The following MRAP2 variants were observed in gnomAD, a reference collection of about 807,000 sequenced individuals.
MRAP2 encodes the protein melanocortin-2 receptor accessory protein 2.
A neutral mutation model predicts 17.4 loss-of-function variants in MRAP2; 20 were observed. That is an observed-to-expected ratio of 1.15 (90% CI 0.81 to 1.67). MRAP2 has a LOEUF of 1.67. Ranked by LOEUF, MRAP2 falls within the 40% of genes most tolerant of loss-of-function variation. MRAP2 has a pLI of 0.00. For missense variants in MRAP2, 238 were observed against 240.0 expected, an observed-to-expected ratio of 0.99 and a Z score of 0.05; for synonymous variants, 96 against 88.4, an observed-to-expected ratio of 1.09 and a Z score of -0.48.
intron 3 of MRAP2, 137 bp from the exon 4 acceptor site, chr6:84,088,954 T>A: frequency 1.1e-6 from 1 of 889,966 alleles, no homozygotes; most frequent in Non-Finnish European, 1.7e-6. Flanking sequence ...CATGTTTGTC[T>A]GCATGCCATG....
intron 1 of MRAP2, among the ~76,000 whole-genome samples, chr6:84,046,948 G>A (rs778056859): frequency 6.6e-6 from 1 of 151,872 alleles, no homozygotes; most frequent in South Asian, 2.1e-4. Flanking sequence ...CTTAGAGGGA[G>A]TGTTCCTTTT....
the MRAP2 span, among the ~76,000 whole-genome samples, chr6:84,135,237 G>A: frequency 2.6e-5 from 4 of 152,086 alleles, no homozygotes; most frequent in African/African-American, 7.2e-5. Flanking sequence ...GACAGAAATA[G>A]CATCAATAAA....
chr6:84,135,513 A>G, the MRAP2 span, among the ~76,000 whole-genome samples: 2 of 152,312 alleles, frequency 1.3e-5, no homozygotes, highest in East Asian at 3.9e-4. Context: ...GTAATCTTAG[A>G]AACTACACAT....
At chr6:84,140,450 A>C in the MRAP2 span, among the ~76,000 whole-genome samples, 6 of 152,180 alleles carry the variant, frequency 3.9e-5, no homozygotes, top group African/African-American at 1.4e-4. Flanking sequence ...TTGGATATCG[A>C]GGGAGATTTG....
chr6:84,132,576 A>C, the MRAP2 span, among the ~76,000 whole-genome samples: 3 of 151,892 alleles, frequency 2.0e-5, no homozygotes, highest in East Asian at 5.8e-4. Flanking sequence ...TTCTCTTCTC[A>C]CTTCATTTCA....
At chr6:84,036,066 C>T (rs2129155436) in intron 1 of MRAP2, among the ~76,000 whole-genome samples, 1 of 150,362 alleles carries the variant, frequency 6.7e-6, no homozygotes, top group Admixed American at 6.6e-5. Flanking sequence ...ATTATTATAC[C>T]AAGCTATGAT....
chr6:84,124,900 A>T, the MRAP2 span: 1 of 629,956 alleles, frequency 1.6e-6, no homozygotes, highest in Non-Finnish European at 2.8e-6. Context: ...ACACCATTAT[A>T]TGTTTTTTTT....
At chr6:84,102,740 G>C in the MRAP2 span, among the ~76,000 whole-genome samples, 2 of 151,950 alleles carry the variant, frequency 1.3e-5, no homozygotes, top group African/African-American at 4.8e-5. Context: ...AGTGTGGATA[G>C]GAAGGCTGGG....
chr6:84,034,172 C>T (rs1407030193), intron 1 of MRAP2, among the ~76,000 whole-genome samples: 3 of 152,098 alleles, frequency 2.0e-5, no homozygotes, highest in South Asian at 4.1e-4. Flanking sequence ...GCGCTCGGGG[C>T]TTGGGTGGGC....
intron 3 of MRAP2, among the ~76,000 whole-genome samples, chr6:84,072,918 C>T (rs1328645258): frequency 6.6e-6 from 1 of 152,150 alleles, no homozygotes; most frequent in Non-Finnish European, 1.5e-5. Context: ...GGTCTCATTC[C>T]CACCATGTCC....
At chr6:84,058,587 C>T (rs2099492278) in intron 2 of MRAP2, among the ~76,000 whole-genome samples, 1 of 152,038 alleles carries the variant, frequency 6.6e-6, no homozygotes, top group Admixed American at 6.6e-5. Context: ...ACTTGAGAGT[C>T]ATCAGCATGT....
chr6:84,133,502 G>A, the MRAP2 span, among the ~76,000 whole-genome samples: 1 of 152,164 alleles, frequency 6.6e-6, no homozygotes, highest in South Asian at 2.1e-4. Flanking sequence ...TTGAGTTGCG[G>A]TGGGCTCCAC....
intron 2 of MRAP2, among the ~76,000 whole-genome samples, chr6:84,062,328 G>T (rs1010617030): frequency 6.6e-6 from 1 of 152,178 alleles, no homozygotes; most frequent in Non-Finnish European, 1.5e-5. Context: ...AGCTGTTTCC[G>T]TACCTTGCTT....
chr6:84,129,261 C>A, the MRAP2 span, among the ~76,000 whole-genome samples: 90 of 152,272 alleles, frequency 5.9e-4, no homozygotes, highest in African/African-American at 1.8e-3. Context: ...CTTGAGGAGT[C>A]GCCACACTGT....
At chr6:84,087,319 T>A (rs1003955040) in intron 3 of MRAP2, among the ~76,000 whole-genome samples, 7 of 152,232 alleles carry the variant, frequency 4.6e-5, no homozygotes, top group Non-Finnish European at 1.0e-4. Context: ...TTCTTTTGAG[T>A]TTCTGATTGA....
the MRAP2 span, chr6:84,124,234 C>A: frequency 6.6e-6 from 1 of 151,898 alleles, no homozygotes; most frequent in South Asian, 2.1e-4. Flanking sequence ...GAACAGAAAT[C>A]ATTATATAAA....
intron 2 of MRAP2, chr6:84,062,136 C>G: frequency 1.0e-5 from 10 of 983,168 alleles, no homozygotes; most frequent in Non-Finnish European, 1.2e-5. Context: ...AAATTTGGCC[C>G]AAGAAGGCCT....
chr6:84,060,575 A>G (rs1307596059), intron 2 of MRAP2, among the ~76,000 whole-genome samples: 1 of 152,156 alleles, frequency 6.6e-6, no homozygotes, highest in Non-Finnish European at 1.5e-5. Flanking sequence ...AGTGTAGGGA[A>G]CTGTTATTTA....
At chr6:84,126,590 G>C in the MRAP2 span, 2 of 1,103,770 alleles carry the variant, frequency 1.8e-6, no homozygotes, top group Non-Finnish European at 2.5e-6. Context: ...CAGAATATTT[G>C]TATAAAATTT....
Sources: allele counts gnomAD v4.1 joint callset (sites outside exome capture counted in the v4.1 genomes callset), GRCh38; gene constraint gnomAD v4.1.1; transcripts MANE v1.5; gene names NCBI Gene and HGNC (gene_info 2026-07-23, HGNC 2026-07-21).